MTUS2: variants seen among roughly 807,000 people sequenced by gnomAD.
MTUS2 encodes the protein microtubule-associated tumor suppressor candidate 2.
In MTUS2, 40 loss-of-function variants were observed where a neutral mutation model predicts 114.1. The ratio of observed to expected loss-of-function variants is 0.35; its 90% confidence interval spans 0.27 to 0.46. The LOEUF is 0.46. Ranked by LOEUF, MTUS2 falls within the 20% of genes least tolerant of loss-of-function variation. The pLI is 1.00. For synonymous variants in MTUS2, 688 were observed against 672.0 expected (o/e 1.02, Z -0.37); for missense variants, 1,679 against 1,705.4 (o/e 0.98, Z 0.27).
chr13:29,218,518 T>C (rs1357799503), intron 5 of MTUS2, among the ~76,000 whole-genome samples: 3 of 152,266 alleles, frequency 2.0e-5, no homozygotes, highest in African/African-American at 7.2e-5. Context: ...TCAATTTACT[T>C]TGCCCAGATC....
intron 5 of MTUS2, among the ~76,000 whole-genome samples, chr13:29,261,645 A>G (rs759772945): frequency 3.3e-5 from 5 of 152,234 alleles, no homozygotes; most frequent in Non-Finnish European, 7.3e-5. Context: ...GATCATTTCT[A>G]TAATTTTATA....
chr13:29,141,205 C>T lies in MTUS2; in HGVS notation c.2644+40235C>T, dbSNP rs147881164. ...GCACTGGAATACAGCAGTGAGAACC[C>T]GGACCTTACAGTGCAGTGGAGCAGA... On this transcript the variant is annotated intron_variant, in intron 5 of 15. Transcript: ENST00000612955. Among the ~76,000 whole-genome samples, 149 of 152,290 alleles carry T rather than the reference C, an allele frequency of 9.8e-4. 1 individual carries two copies. Among genetic ancestry groups the T allele is most frequent in the Non-Finnish European group, 1.8e-3 (125 of 68,026 alleles).
At chr13:29,117,723 C>G (rs1891148281) in intron 5 of MTUS2, among the ~76,000 whole-genome samples, 1 of 152,168 alleles carries the variant, frequency 6.6e-6, no homozygotes, top group African/African-American at 2.4e-5. Context: ...CTCTGTGTGG[C>G]AAGGAGTTGA....
At chr13:28,887,522 G>A (rs1878664348) in intron 2 of MTUS2, among the ~76,000 whole-genome samples, 1 of 152,178 alleles carries the variant, frequency 6.6e-6, no homozygotes, top group Admixed American at 6.5e-5. Context: ...CATGGTTTTG[G>A]GTTTCCTAAG....
At chr13:29,335,231 C>T (rs977490578) in intron 7 of MTUS2, among the ~76,000 whole-genome samples, 7 of 152,148 alleles carry the variant, frequency 4.6e-5, no homozygotes, top group African/African-American at 1.4e-4. Flanking sequence ...ATGACCATAT[C>T]TTTTACGGTC....
intron 5 of MTUS2, among the ~76,000 whole-genome samples, chr13:29,159,085 T>A (rs1444856931): frequency 6.6e-6 from 1 of 152,206 alleles, no homozygotes. Flanking sequence ...CCGTGGAGAA[T>A]GTTCGTGATT....
chr13:29,168,133 A>T (rs756839282), intron 5 of MTUS2, among the ~76,000 whole-genome samples: 2 of 152,154 alleles, frequency 1.3e-5, no homozygotes, highest in Non-Finnish European at 2.9e-5. Context: ...ATAGAGGAGG[A>T]TATATTCTGA....
At chr13:29,180,839 C>T (rs1199827456) in intron 5 of MTUS2, among the ~76,000 whole-genome samples, 2 of 152,190 alleles carry the variant, frequency 1.3e-5, no homozygotes, top group Admixed American at 6.5e-5. Context: ...CATCAGCACA[C>T]TCATGCCCCG....
chr13:28,918,477 G>C (rs1880867612), intron 2 of MTUS2, among the ~76,000 whole-genome samples: 1 of 151,582 alleles, frequency 6.6e-6, no homozygotes, highest in Non-Finnish European at 1.5e-5. Flanking sequence ...TGATTTACTG[G>C]CTCTTGTTCT....
chr13:29,143,052 CA>C (rs1171664670), intron 5 of MTUS2, among the ~76,000 whole-genome samples: 2 of 152,100 alleles, frequency 1.3e-5, no homozygotes, highest in Non-Finnish European at 2.9e-5. Flanking sequence ...TTAACAAAGC[CA>C]ACATGTTTGT....
At chr13:29,375,009 C>G (rs1283565407) in intron 8 of MTUS2, among the ~76,000 whole-genome samples, 1 of 152,160 alleles carries the variant, frequency 6.6e-6, no homozygotes, top group Non-Finnish European at 1.5e-5. Context: ...CAACCCTGAT[C>G]TAAAAGAACT....
chr13:29,200,043 A>G (rs1894875286), intron 5 of MTUS2, among the ~76,000 whole-genome samples: 1 of 152,016 alleles, frequency 6.6e-6, no homozygotes, highest in African/African-American at 2.4e-5. Flanking sequence ...TATCTGCTTT[A>G]TCATTTTTTA....
rs558975876 is a variant in MTUS2 at position 29,280,104 on chromosome 13, C to G, written c.2645-1600C>G. ...CAATTCCTGAGAGAGTCTCTGAGTT[C>G]TAGCACTGGACTGGTGCATCCACTG... On this transcript the variant is annotated intron_variant, in intron 5 of 15. Coordinates refer to ENST00000612955, the MANE Select transcript of MTUS2 (RefSeq NM_001033602.4). Among the ~76,000 whole-genome samples the G allele has an allele frequency of 3.9e-5, 6 of 152,330 alleles. 1 individual carries two copies. In the South Asian group the frequency reaches 1.2e-3, roughly 32 times the overall value.
chr13:29,475,299 C>A (rs1880616191), intron 9 of MTUS2, among the ~76,000 whole-genome samples: 1 of 152,184 alleles, frequency 6.6e-6, no homozygotes, highest in African/African-American at 2.4e-5. Context: ...GTATAAAAGT[C>A]TAGCACATAT....
intron 2 of MTUS2, among the ~76,000 whole-genome samples, chr13:29,014,100 G>A (rs923737751): frequency 5.9e-5 from 9 of 152,092 alleles, no homozygotes; most frequent in African/African-American, 1.4e-4. Flanking sequence ...TCTCAGAGCC[G>A]TTGTGTTGCT....
rs550894633 is a variant in MTUS2, at chr13:29,274,290, T to A, written c.2645-7414T>A. Among the ~76,000 whole-genome samples, 17 of 152,258 alleles carry A rather than the reference T, an allele frequency of 1.1e-4. No homozygotes were observed. The East Asian group carries it at 1.5e-3, about 14-fold the overall frequency. ...CACAACTGGCTAATTTTTTGTATTT[T>A]TAGTAGAGACGGGGTTTCACCGTGT... On this transcript the variant is annotated intron_variant, in intron 5 of 15. Coordinates refer to ENST00000612955, the MANE Select transcript of MTUS2 (RefSeq NM_001033602.4).
chr13:29,375,564 TATATATATAC>T (rs1434814341), intron 8 of MTUS2, among the ~76,000 whole-genome samples: 2 of 4,424 alleles, frequency 4.5e-4, no homozygotes, highest in African/African-American at 1.0e-3. Context: ...TATACGTATA[TATATATATAC>T]ATATATATAT....
chr13:29,398,491 GA>G (rs60747066), intron 8 of MTUS2, among the ~76,000 whole-genome samples: 67,414 of 142,440 alleles, frequency 0.47, 16,870 homozygotes, highest in Non-Finnish European at 0.58. Context: ...GAAAGAAAAA[GA>G]AAAAAAAAAA....
rs1886955853 is a variant in MTUS2, at chr13:29,034,110, A to G, written c.2431A>G (p.Ser811Gly). The change falls in exon 4 of 16, where the codon AGT becomes GGT. Residue 811 changes from serine (S) to glycine (G), a missense_variant. By Grantham distance (56) the Ser-to-Gly change is moderately conservative (BLOSUM62 0). This residue lies in a region of MTUS2 where 822 missense variants were observed against 899.7 expected (regional missense o/e 0.91). Coordinates refer to ENST00000612955, the MANE Select transcript of MTUS2 (RefSeq NM_001033602.4). ...CATAACAACAGCCACCAGTCTCTAC[A>G]GTTCCGATCCTTCAGGTAACCGATC... The part of the protein sequence containing the change: ...GPITTATSLY[S>G]SDPSADLKKA... 2 of 1,614,038 alleles carry G rather than the reference A, an allele frequency of 1.2e-6. No homozygotes were observed. The highest frequency in any genetic ancestry group is 2.2e-5 in the East Asian group (1 of 44,888).
Sources: gnomAD v4.1 joint callset for allele counts (sites outside exome capture counted in the v4.1 genomes callset) on GRCh38, gnomAD v4.1.1 for gene constraint, gnomAD v4.1.1 regional missense constraint, MANE v1.5 for transcripts, NCBI Gene and HGNC (gene_info 2026-07-23, HGNC 2026-07-21) for gene names.